The following DNAJC12 variants were observed in gnomAD, a reference collection of about 807,000 sequenced individuals.
The protein encoded by DNAJC12 is DnaJ heat shock protein family (Hsp40) member C12, also known as dnaJ homolog subfamily C member 12.
A neutral mutation model predicts 28.5 loss-of-function variants in DNAJC12; 25 were observed. The ratio of observed to expected loss-of-function variants is 0.88; its 90% confidence interval spans 0.64 to 1.22. DNAJC12 has a LOEUF of 1.22. DNAJC12 is among the 50% of genes most tolerant of loss of function. The pLI is 0.00. For synonymous variants in DNAJC12, 77 were observed against 80.6 expected (o/e 0.95, Z 0.24); for missense variants, 222 against 231.7 (o/e 0.96, Z 0.27).
chr10:67,819,764 A>G (rs796068671), intron 2 of DNAJC12, among the ~76,000 whole-genome samples: 812 of 17,372 alleles, frequency 0.047, 53 homozygotes, highest in East Asian at 0.21. Context: ...GGAAGGAAGG[A>G]AGGAAGGAAG....
chr10:67,806,593 G>A (rs754363532), intron 3 of DNAJC12, among the ~76,000 whole-genome samples: 2 of 152,174 alleles, frequency 1.3e-5, no homozygotes, highest in Middle Eastern at 3.2e-3. Context: ...GGAAGCCAAG[G>A]TGGGTGGATC....
intron 1 of DNAJC12, among the ~76,000 whole-genome samples, chr10:67,828,859 A>C (rs1842063334): frequency 1.3e-5 from 2 of 152,200 alleles, no homozygotes. Context: ...GAGCAAGAGC[A>C]CCATCAACTC....
intron 4 of DNAJC12, among the ~76,000 whole-genome samples, chr10:67,797,781 C>T (rs1030863541): frequency 6.6e-6 from 1 of 152,166 alleles, no homozygotes; most frequent in Non-Finnish European, 1.5e-5. Flanking sequence ...TGGCTCACGC[C>T]TGTAATCCCA....
At chr10:67,822,221 T>C in intron 2 of DNAJC12, among the ~76,000 whole-genome samples, 1 of 152,092 alleles carries the variant, frequency 6.6e-6, no homozygotes, top group African/African-American at 2.4e-5. Flanking sequence ...CAAAGGAGAC[T>C]GAGAGAAAGC....
rs72808607 is a variant in DNAJC12, at chr10:67,803,811, G to C, written c.502+1772C>G. On this transcript the variant is annotated intron_variant, in intron 4 of 4. Transcript: ENST00000225171. The stretch of plus-strand genomic sequence containing the variant: ...AAAACACTGTTTTTCTACACTTCAG[G>C]CTTCTCCTTTGATCAGTTTGTTAAA... Among the ~76,000 whole-genome samples the C allele has an allele frequency of 2.6e-3, 393 of 152,300 alleles. 3 individuals are homozygous for C. Among genetic ancestry groups the C allele is most frequent in the Non-Finnish European group, 4.8e-3 (329 of 68,028 alleles).
At chr10:67,829,640 CAAAAAAA>C (rs1842073971) in intron 1 of DNAJC12, among the ~76,000 whole-genome samples, 1 of 151,638 alleles carries the variant, frequency 6.6e-6, no homozygotes, top group South Asian at 2.1e-4. Context: ...GACTCCGTCT[CAAAAAAA>C]TAAAAAATAA....
intron 2 of DNAJC12, among the ~76,000 whole-genome samples, chr10:67,821,547 ACC>A (rs1393597613): frequency 6.6e-6 from 1 of 152,206 alleles, no homozygotes; most frequent in African/African-American, 2.4e-5. Flanking sequence ...AATATTATCT[ACC>A]CTGAGGATAA....
chr10:67,803,159 CA>C (rs879711566), intron 4 of DNAJC12, among the ~76,000 whole-genome samples: 3,459 of 146,934 alleles, frequency 0.024, 139 homozygotes, highest in African/African-American at 0.081. Flanking sequence ...ATTTACTCCT[CA>C]AAAAAAAAAA....
intron 1 of DNAJC12, among the ~76,000 whole-genome samples, chr10:67,836,179 C>T (rs1842140830): frequency 6.6e-6 from 1 of 151,846 alleles, no homozygotes; most frequent in African/African-American, 2.4e-5. Flanking sequence ...AGGGGAACAT[C>T]ACACACCGGG....
chr10:67,830,655 A>AAATT (rs1842084745), intron 1 of DNAJC12, among the ~76,000 whole-genome samples: 1 of 146,826 alleles, frequency 6.8e-6, no homozygotes, highest in African/African-American at 2.5e-5. Context: ...ATAAATAAAT[A>AAATT]AATTTTTTGA....
At chr10:67,811,281 G>C (rs1248452210) in intron 3 of DNAJC12, 1 of 1,339,604 alleles carries the variant, frequency 7.5e-7, no homozygotes, top group African/African-American at 1.5e-5. Flanking sequence ...TGTGTATACT[G>C]AAACAAACAG....
chr10:67,835,211 C>G (rs190938019), intron 1 of DNAJC12, among the ~76,000 whole-genome samples: 171 of 152,198 alleles, frequency 1.1e-3, no homozygotes, highest in African/African-American at 3.8e-3. Flanking sequence ...ATTAGAATAT[C>G]AAATTGTTTT....
At chr10:67,824,142 A>G (rs1842007113) in intron 1 of DNAJC12, among the ~76,000 whole-genome samples, 1 of 151,792 alleles carries the variant, frequency 6.6e-6, no homozygotes, top group South Asian at 2.1e-4. Flanking sequence ...AGGCTGAGGC[A>G]GGAGAATCGC....
intron 1 of DNAJC12, among the ~76,000 whole-genome samples, chr10:67,834,990 A>G (rs1842128836): frequency 6.6e-6 from 1 of 152,212 alleles, no homozygotes; most frequent in African/African-American, 2.4e-5. Flanking sequence ...AATTAGTCTC[A>G]TTGCTTGTTT....
At chr10:67,830,607 CAAAAAATAAATA>C (rs1842083824) in intron 1 of DNAJC12, among the ~76,000 whole-genome samples, 1 of 131,948 alleles carries the variant, frequency 7.6e-6, no homozygotes, top group Non-Finnish European at 1.6e-5. Context: ...GACTCCGTCT[CAAAAAATAAATA>C]AATAAATAAA....
intron 4 of DNAJC12, 75 bp from the exon 5 acceptor site, chr10:67,797,285 G>T: frequency 8.2e-7 from 1 of 1,222,612 alleles, no homozygotes; most frequent in Admixed American, 2.0e-5. Flanking sequence ...AACAGCTTGG[G>T]GATAATATTT....
chr10:67,824,385 T>C (rs1185665247), intron 1 of DNAJC12, among the ~76,000 whole-genome samples: 1 of 152,096 alleles, frequency 6.6e-6, no homozygotes, highest in Non-Finnish European at 1.5e-5. Flanking sequence ...ATTTATAAAT[T>C]ATCTATTATA....
chr10:67,824,994 C>A (rs1842015983), intron 1 of DNAJC12, among the ~76,000 whole-genome samples: 1 of 152,178 alleles, frequency 6.6e-6, no homozygotes, highest in East Asian at 1.9e-4. Context: ...CTCAGCCTCC[C>A]AAAGTGCTGG....
At chr10:67,835,572 C>T (rs1842134505) in intron 1 of DNAJC12, among the ~76,000 whole-genome samples, 4 of 151,974 alleles carry the variant, frequency 2.6e-5, no homozygotes, top group African/African-American at 9.7e-5. Context: ...TGCCTGTAGT[C>T]CCAGCTACTC....
Sources: gnomAD v4.1 joint callset for allele counts (sites outside exome capture counted in the v4.1 genomes callset) on GRCh38, gnomAD v4.1.1 for gene constraint, MANE v1.5 for transcripts, NCBI Gene and HGNC (gene_info 2026-07-23, HGNC 2026-07-21) for gene names.